TNFRSF1B: variants seen among roughly 807,000 people sequenced by gnomAD.
TNFRSF1B encodes tumor necrosis factor receptor superfamily member 1B.
TNFRSF1B carries 19 observed loss-of-function variants against 44.6 expected under a neutral mutation model. The observed-to-expected ratio is 0.43, with a 90% CI of 0.30 to 0.62. TNFRSF1B has a LOEUF of 0.62. Ranked by LOEUF, TNFRSF1B falls within the 20% of genes least tolerant of loss-of-function variation. TNFRSF1B has a pLI of 0.16. For missense variants in TNFRSF1B, 541 were observed against 619.9 expected, an observed-to-expected ratio of 0.87 and a Z score of 1.35; for synonymous variants, 252 against 261.1, an observed-to-expected ratio of 0.97 and a Z score of 0.34.
intron 1 of TNFRSF1B, among the ~76,000 whole-genome samples, chr1:12,183,854 C>T (rs925611674): frequency 1.1e-3 from 138 of 123,850 alleles, no homozygotes; most frequent in African/African-American, 4.0e-3. Flanking sequence ...TATCTATCTA[C>T]CTACCTACCT....
At chr1:12,200,786 T>C (rs1327342249) in intron 8 of TNFRSF1B, among the ~76,000 whole-genome samples, 1 of 152,016 alleles carries the variant, frequency 6.6e-6, no homozygotes, top group Admixed American at 6.6e-5. Context: ...CCACGCCAGC[T>C]AATTTTGTAT....
At chr1:12,194,540 C>A (rs745471126) in intron 7 of TNFRSF1B, 44 bp from the exon 8 acceptor site, 3 of 1,612,786 alleles carry the variant, frequency 1.9e-6, no homozygotes, top group Non-Finnish European at 2.5e-6. Context: ...GACAGATGTG[C>A]CTGAGGAAGT....
At chr1:12,175,001 C>T (rs1191371618) in intron 1 of TNFRSF1B, among the ~76,000 whole-genome samples, 1 of 152,210 alleles carries the variant, frequency 6.6e-6, no homozygotes, top group Non-Finnish European at 1.5e-5. Context: ...TCAGTCTGAG[C>T]GTGGCCCTGC....
At chr1:12,183,712 TCTATCTAC>T (rs1557629052) in intron 1 of TNFRSF1B, among the ~76,000 whole-genome samples, 44 of 57,218 alleles carry the variant, frequency 7.7e-4, no homozygotes, top group African/African-American at 2.0e-3. Context: ...ATCTATCTAT[TCTATCTAC>T]CTATCTATCT....
intron 4 of TNFRSF1B, chr1:12,192,207 A>G (rs1639153445): frequency 4.2e-6 from 3 of 709,542 alleles, no homozygotes; most frequent in South Asian, 1.5e-5. Flanking sequence ...ATGAACTCAC[A>G]TAACTCTACA....
rs749488317 is a variant in TNFRSF1B at position 12,171,368 on chromosome 1, C to T, written c.78+4199C>T. On this transcript the variant is annotated intron_variant, in intron 1 of 9. Transcript: ENST00000376259. The surrounding 1 kb of genome is among the most constrained non-coding windows in gnomAD (Gnocchi z 4.5). The stretch of plus-strand genomic sequence containing the variant: ...GTCCTCAGATGTGCTGCACACACAC[C>T]TGCTCCAGGGCCTTTGCACTTGCTT... 4.6e-5 allele frequency among the ~76,000 whole-genome samples: 7 copies of T among 152,144 alleles called. No individual in the cohort carries two copies. The highest frequency in any genetic ancestry group is 1.0e-4 in the Non-Finnish European group (7 of 68,022).
intron 4 of TNFRSF1B, 157 bp from the exon 5 acceptor site, chr1:12,192,274 A>ATC (rs1364108002): frequency 1.2e-5 from 8 of 689,572 alleles, no homozygotes; most frequent in South Asian, 1.1e-4. Flanking sequence ...GTGTACAGGC[A>ATC]TCTGTGTGTG....
rs5746006 is a variant in TNFRSF1B at position 12,189,172 on chromosome 1, C to A, written c.178+277C>A. 5.3e-4 allele frequency among the ~76,000 whole-genome samples: 81 copies of A among 152,246 alleles called. No individual in the cohort carries two copies. Among genetic ancestry groups the A allele is most frequent in the African/African-American group, 1.9e-3 (80 of 41,540 alleles). On this transcript the variant is annotated intron_variant, in intron 2 of 9. Transcript: ENST00000376259. Reference sequence around the variant, plus strand: ...GGCTGCCTGCCCCATACTGCCCAGCCGGTGGAGGAGGGGGAGGAGGAGCCT... The same window carrying A: ...GGCTGCCTGCCCCATACTGCCCAGCAGGTGGAGGAGGGGGAGGAGGAGCCT...
At position 12,192,484 on chromosome 1, in the gene TNFRSF1B, A is replaced by C. The variant is rs779095658; in HGVS notation, c.511A>C (p.Asn171His). The C allele has an allele frequency of 5.6e-6, 9 of 1,614,018 alleles. No individual in the cohort carries two copies. The South Asian group carries it at 9.9e-5, about 18-fold the overall frequency. ...GCCCTGTGCCCCGGGGACGTTCTCC[A>C]ACACGACTTCATCCACGGATATTTG... ...CKPCAPGTFS[N>H]TTSSTDICRP... The change falls in exon 5 of 10, where the codon AAC becomes CAC. Residue 171 changes from asparagine (N) to histidine (H), a missense_variant. Asn to His is a moderately conservative substitution (Grantham distance 68). Coordinates refer to ENST00000376259, the MANE Select transcript of TNFRSF1B (RefSeq NM_001066.3).
Position 12,207,504 on chromosome 1 carries a change from A to G in TNFRSF1B, c.*484A>G, listed in dbSNP as rs990900228. Reference sequence around the variant, plus strand: ...CCTGAGTCACCCATGAAGACAGGACAGTGCTTCAGCCTGAGGCTGAGACTG... The same window carrying G: ...CCTGAGTCACCCATGAAGACAGGACGGTGCTTCAGCCTGAGGCTGAGACTG... On this transcript the variant is annotated 3_prime_UTR_variant, in exon 10 of 10. Transcript: ENST00000376259. 1 of 156,732 alleles carries G rather than the reference A, an allele frequency of 6.4e-6. No individual in the cohort carries two copies. The highest frequency in any genetic ancestry group is 2.4e-5 in the African/African-American group (1 of 41,550). 9.7% of individuals were successfully genotyped at this position (156,732 alleles called of 1,614,324 possible).
rs369920983 is a variant in TNFRSF1B, at chr1:12,167,483, C to G, written c.78+314C>G. 4.1e-5 allele frequency: 18 copies of G among 439,792 alleles called. No individual in the cohort carries two copies. In the East Asian group the frequency reaches 5.0e-4, roughly 12 times the overall value. 27.2% of individuals were successfully genotyped at this position (439,792 alleles called of 1,614,324 possible). ...GGGCATTTGGGGCTGAGCAGCGGGT[C>G]CTGGGCAGACCCCCGCTAGACCCGG... is the stretch of plus-strand genomic sequence containing the variant. On this transcript the variant is annotated intron_variant, in intron 1 of 9. Coordinates refer to ENST00000376259, the MANE Select transcript of TNFRSF1B (RefSeq NM_001066.3).
At position 12,188,815 on chromosome 1, in the gene TNFRSF1B, C is replaced by T. The variant is rs750041133; in HGVS notation, c.98C>T (p.Ala33Val). ...LPAQVAFTPY[A>V]PEPGSTCRLR... ...TTCCAGGTGGCATTTACACCCTACG[C>T]CCCGGAGCCCGGGAGCACATGCCGG... is the stretch of plus-strand genomic sequence containing the variant. The change falls in exon 2 of 10, where the codon GCC becomes GTC. Residue 33 changes from alanine to valine, a missense_variant. Ala to Val is a moderately conservative substitution (Grantham distance 64, BLOSUM62 0). Transcript: ENST00000376259. The T allele has an allele frequency of 2.5e-6, 4 of 1,613,848 alleles. No individual in the cohort carries two copies. The highest frequency in any genetic ancestry group is 2.7e-5 in the African/African-American group (2 of 75,032).
chr1:12,199,574 G>T lies in TNFRSF1B; in HGVS notation c.901-2393G>T, dbSNP rs1253486153. 2.0e-5 allele frequency among the ~76,000 whole-genome samples: 3 copies of T among 152,226 alleles called. No homozygotes were observed. The highest frequency in any genetic ancestry group is 4.4e-5 in the Non-Finnish European group (3 of 68,036). Reference sequence around the variant, plus strand: ...AATTAAGGGTGCAGGTGGCGCTCAGGTGTCCGAGAAGCCATGGGAGCCGGG... The same window carrying T: ...AATTAAGGGTGCAGGTGGCGCTCAGTTGTCCGAGAAGCCATGGGAGCCGGG... On this transcript the variant is annotated intron_variant, in intron 8 of 9. Transcript: ENST00000376259. This position sits in a 1 kb window ranked among gnomAD's most constrained non-coding sequence, Gnocchi z 4.0.
Position 12,187,826 on chromosome 1 carries a change from C to T in TNFRSF1B, c.79-970C>T, listed in dbSNP as rs750590379. On this transcript the variant is annotated intron_variant, in intron 1 of 9. Transcript: ENST00000376259. This position sits in a 1 kb window ranked among gnomAD's most constrained non-coding sequence, Gnocchi z 5.5. ...GTCAGGGGAGGGGGCTTAGCAGGGA[C>T]GTTGTTCACCAGCTTCAGCCCAACA... Among the ~76,000 whole-genome samples, 8 of 152,100 alleles carry T rather than the reference C, an allele frequency of 5.3e-5. No homozygotes were observed. Among genetic ancestry groups the T allele is most frequent in the South Asian group, 2.1e-4 (1 of 4,828 alleles).
chr1:12,177,760 C>G lies in TNFRSF1B; in HGVS notation c.78+10591C>G, dbSNP rs1286196720. On this transcript the variant is annotated intron_variant, in intron 1 of 9. Coordinates refer to ENST00000376259, the MANE Select transcript of TNFRSF1B (RefSeq NM_001066.3). This position sits in a 1 kb window ranked among gnomAD's most constrained non-coding sequence, Gnocchi z 4.3. ...AGTGAACCGAGATCGCGCCATTGCA[C>G]TCCAGCCTGGGTGACAGGGTGAGAT... 1.3e-5 allele frequency among the ~76,000 whole-genome samples: 2 copies of G among 150,750 alleles called. No individual in the cohort carries two copies. The highest frequency in any genetic ancestry group is 3.9e-4 in the East Asian group (2 of 5,136).
intron 3 of TNFRSF1B, among the ~76,000 whole-genome samples, chr1:12,191,418 A>G (rs1639121338): frequency 6.6e-6 from 1 of 150,850 alleles, no homozygotes; most frequent in South Asian, 2.1e-4. Flanking sequence ...TGCGGGGAAG[A>G]GCGGGACTTC....
intron 1 of TNFRSF1B, among the ~76,000 whole-genome samples, chr1:12,183,767 AGCT>A (rs1638903270): frequency 8.5e-6 from 1 of 117,302 alleles, no homozygotes; most frequent in African/African-American, 3.0e-5. Flanking sequence ...CTAGCTAGCT[AGCT>A]ATCTATTCTA....
chr1:12,203,188 G>A (rs1639428592), intron 9 of TNFRSF1B, among the ~76,000 whole-genome samples: 4 of 152,216 alleles, frequency 2.6e-5, no homozygotes, highest in Admixed American at 2.6e-4. Flanking sequence ...TGGCCACTCT[G>A]GTGCCATAAG....
At position 12,178,525 on chromosome 1, in the gene TNFRSF1B, G is replaced by A. The variant is rs1222675998; in HGVS notation, c.79-10271G>A. 6.6e-6 allele frequency among the ~76,000 whole-genome samples: 1 copy of A among 152,168 alleles called. No homozygotes were observed. On this transcript the variant is annotated intron_variant, in intron 1 of 9. Transcript: ENST00000376259. This position sits in a 1 kb window ranked among gnomAD's most constrained non-coding sequence, Gnocchi z 4.3. Reference sequence around the variant, plus strand: ...GGGTGTCAAGGTTGCGGGGAGGCACGAGGGAACCAATAATTAACCAAAACT... The same window carrying A: ...GGGTGTCAAGGTTGCGGGGAGGCACAAGGGAACCAATAATTAACCAAAACT...
Sources: allele counts gnomAD v4.1 joint callset (sites outside exome capture counted in the v4.1 genomes callset), GRCh38; gene constraint gnomAD v4.1.1; non-coding constraint Gnocchi (gnomAD v3.1); transcripts MANE v1.5; gene names NCBI Gene and HGNC (gene_info 2026-07-23, HGNC 2026-07-21).